The following DPP10 variants were observed in gnomAD, a reference collection of about 807,000 sequenced individuals.
The protein encoded by DPP10 is inactive dipeptidyl peptidase 10.
A neutral mutation model predicts 120.9 loss-of-function variants in DPP10; 33 were observed. The ratio of observed to expected loss-of-function variants is 0.27; its 90% CI spans 0.21 to 0.37. DPP10 has a LOEUF of 0.37. DPP10 is among the 10% of genes least tolerant of loss of function. The probability of loss-of-function intolerance (pLI) is 1.00; values close to 1 mark genes in which losing one functional copy is unlikely to be tolerated. For missense variants in DPP10, 816 were observed against 942.8 expected, an observed-to-expected ratio of 0.87 and a Z score of 1.76; for synonymous variants, 337 against 326.1, an observed-to-expected ratio of 1.03 and a Z score of -0.36.
intron 1 of DPP10, among the ~76,000 whole-genome samples, chr2:114,498,382 A>G (rs1682864311): frequency 6.6e-6 from 1 of 152,142 alleles, no homozygotes; most frequent in Non-Finnish European, 1.5e-5. Context: ...TGTAAGTTTA[A>G]TGTTTTAAGA....
chr2:114,793,133 A>C (rs6729019), intron 1 of DPP10, among the ~76,000 whole-genome samples: 77,965 of 151,592 alleles, frequency 0.51, 20,766 homozygotes, highest in East Asian at 0.79. Flanking sequence ...GATTCCCTTA[A>C]TTTTTTTATG....
At position 115,639,039 on chromosome 2, in the gene DPP10, C is replaced by G. The variant is rs1056877298; in HGVS notation, c.442-50648C>G. Reference sequence around the variant, plus strand: ...AAGATGTTGTCTTTGGTGGCCACTACCACTGTGAGTCCACAGCCAAATGCC... The same window carrying G: ...AAGATGTTGTCTTTGGTGGCCACTAGCACTGTGAGTCCACAGCCAAATGCC... On this transcript the variant is annotated intron_variant, in intron 5 of 25. Coordinates refer to ENST00000410059, the MANE Select transcript of DPP10 (RefSeq NM_020868.6). Among the ~76,000 whole-genome samples the G allele has an allele frequency of 1.3e-5, 2 of 152,242 alleles. 1 individual carries two copies.
At chr2:114,893,635 T>A (rs775152931) in intron 1 of DPP10, among the ~76,000 whole-genome samples, 4 of 152,128 alleles carry the variant, frequency 2.6e-5, no homozygotes, top group Non-Finnish European at 5.9e-5. Flanking sequence ...GGGCCAAATA[T>A]GGGGAGCAGT....
intron 1 of DPP10, among the ~76,000 whole-genome samples, chr2:114,647,441 A>G (rs1209167094): frequency 6.6e-6 from 1 of 152,178 alleles, no homozygotes; most frequent in Non-Finnish European, 1.5e-5. Context: ...TATTTAGGGA[A>G]TTTCCCTAAC....
chr2:115,706,621 A>T lies in DPP10; in HGVS notation c.576+16700A>T, dbSNP rs574497811. ...CATTGCAACTAAGCGCTTACACCAT[A>T]CCTATTATTCTTACATTTGATCAGA... On this transcript the variant is annotated intron_variant, in intron 7 of 25. Coordinates refer to ENST00000410059, the MANE Select transcript of DPP10 (RefSeq NM_020868.6). Among the ~76,000 whole-genome samples, 136 of 152,016 alleles carry T rather than the reference A, an allele frequency of 8.9e-4. 1 individual carries two copies. Among genetic ancestry groups the T allele is most frequent in the Middle Eastern group, 3.4e-3 (1 of 294 alleles).
At chr2:115,025,617 C>T (rs2105206928) in intron 1 of DPP10, among the ~76,000 whole-genome samples, 2 of 152,224 alleles carry the variant, frequency 1.3e-5, no homozygotes, top group Middle Eastern at 6.8e-3. Context: ...TTTACATTCC[C>T]ACCAACAGTG....
At chr2:115,605,470 C>A (rs1004215249) in intron 5 of DPP10, among the ~76,000 whole-genome samples, 5 of 152,024 alleles carry the variant, frequency 3.3e-5, no homozygotes, top group African/African-American at 1.2e-4. Context: ...TATTCTGATT[C>A]TTTCCATTCT....
rs1410618069 is a variant in DPP10, at chr2:114,881,529, T to C, written c.61-427710T>C. On this transcript the variant is annotated intron_variant, in intron 1 of 25. Coordinates refer to ENST00000410059, the MANE Select transcript of DPP10 (RefSeq NM_020868.6). ...CTGTCTGTCTATCTATCTATCCATC[T>C]ATCTATCCTATCTATCTAAGTATCT... Among the ~76,000 whole-genome samples, 27 of 151,368 alleles carry C rather than the reference T, an allele frequency of 1.8e-4. 1 individual carries two copies. The highest frequency in any genetic ancestry group is 9.2e-4 in the Admixed American group (14 of 15,142).
At chr2:115,383,720 G>T (rs1459040295) in intron 3 of DPP10, among the ~76,000 whole-genome samples, 1 of 151,864 alleles carries the variant, frequency 6.6e-6, no homozygotes, top group East Asian at 1.9e-4. Flanking sequence ...TGTTTCTTAT[G>T]CATTTAAATA....
intron 5 of DPP10, among the ~76,000 whole-genome samples, chr2:115,575,505 G>T (rs970230742): frequency 6.6e-6 from 1 of 152,060 alleles, no homozygotes; most frequent in African/African-American, 2.4e-5. Context: ...TTCCTTGTAC[G>T]TACAGAAGCT....
chr2:115,068,619 A>T (rs540752873), intron 1 of DPP10, among the ~76,000 whole-genome samples: 5 of 151,872 alleles, frequency 3.3e-5, no homozygotes, highest in Admixed American at 6.6e-5. Flanking sequence ...TGCTTTGGGG[A>T]TCATATCCAA....
At chr2:114,662,536 G>T (rs1289073102) in intron 1 of DPP10, among the ~76,000 whole-genome samples, 1 of 152,104 alleles carries the variant, frequency 6.6e-6, no homozygotes, top group Non-Finnish European at 1.5e-5. Flanking sequence ...ACAACGTCCA[G>T]AGACCCAGCC....
intron 1 of DPP10, among the ~76,000 whole-genome samples, chr2:115,239,218 A>G (rs959896549): frequency 3.9e-5 from 6 of 152,204 alleles, no homozygotes; most frequent in Admixed American, 6.6e-5. Flanking sequence ...AATTAAGTCG[A>G]CACTCAATAT....
chr2:115,361,337 A>G (rs546217723), intron 3 of DPP10, among the ~76,000 whole-genome samples: 1 of 151,930 alleles, frequency 6.6e-6, no homozygotes, highest in Non-Finnish European at 1.5e-5. Flanking sequence ...GTCAGATACT[A>G]CCTGTTCTGC....
At chr2:115,307,629 C>T (rs2061412511) in intron 1 of DPP10, among the ~76,000 whole-genome samples, 1 of 152,074 alleles carries the variant, frequency 6.6e-6, no homozygotes. Context: ...TTTACAGCAG[C>T]AGCCTCTCTC....
chr2:114,871,261 CTGAAG>C lies in DPP10; in HGVS notation c.60+428424_60+428428del, dbSNP rs765939097. The stretch of plus-strand genomic sequence containing the variant: ...TTCTCTATTATTGGGGGAAAGAACA[CTGAAG>C]AAACAAGACTTTATTCCCATGAAAA... On this transcript the variant is annotated intron_variant, in intron 1 of 25. Coordinates refer to ENST00000410059, the MANE Select transcript of DPP10 (RefSeq NM_020868.6). 9.7e-3 allele frequency among the ~76,000 whole-genome samples: 816 copies of C among 84,232 alleles called. 99 individuals are homozygous for C. The highest frequency in any genetic ancestry group is 0.075 in the East Asian group (72 of 962). The allele number at this position is 84,232 out of a possible 152,430, so 55.3% of individuals were successfully genotyped here.
chr2:115,618,714 A>T (rs867247716), intron 5 of DPP10, among the ~76,000 whole-genome samples: 2 of 152,206 alleles, frequency 1.3e-5, no homozygotes, highest in Non-Finnish European at 2.9e-5. Context: ...TGTGCACTGC[A>T]AAACACTAAG....
At chr2:115,338,658 T>A (rs933258523) in intron 2 of DPP10, among the ~76,000 whole-genome samples, 3 of 152,130 alleles carry the variant, frequency 2.0e-5, no homozygotes, top group African/African-American at 7.2e-5. Flanking sequence ...GCTAATGAAA[T>A]AATTCAATAG....
At chr2:115,208,153 T>C (rs1224363820) in intron 1 of DPP10, among the ~76,000 whole-genome samples, 2 of 151,908 alleles carry the variant, frequency 1.3e-5, no homozygotes, top group African/African-American at 2.4e-5. Context: ...AGAATCACAA[T>C]CCACATCTCT....
Sources: allele counts gnomAD v4.1 joint callset (sites outside exome capture counted in the v4.1 genomes callset), GRCh38; gene constraint gnomAD v4.1.1; transcripts MANE v1.5; gene names NCBI Gene and HGNC (gene_info 2026-07-23, HGNC 2026-07-21).